The following M1AP variants were observed in gnomAD, a reference collection of about 807,000 sequenced individuals.
The protein encoded by M1AP is meiosis 1 associated protein, also known as meiosis 1 arrest protein.
M1AP carries 39 observed loss-of-function variants against 51.2 expected under a neutral mutation model. That is an observed-to-expected ratio of 0.76 (90% confidence interval 0.59 to 1.00). The LOEUF is 1.00. Ranked by LOEUF, M1AP falls within the 50% of genes least tolerant of loss-of-function variation. The pLI is 0.00. For synonymous variants in M1AP, 251 were observed against 249.2 expected (o/e 1.01, Z -0.07); for missense variants, 545 against 641.2 (o/e 0.85, Z 1.62).
intron 2 of M1AP, among the ~76,000 whole-genome samples, chr2:74,624,084 T>A (rs575862946): frequency 6.6e-6 from 1 of 152,352 alleles, no homozygotes; most frequent in South Asian, 2.1e-4. Context: ...TATAGAGTTG[T>A]CTTGAAATAG....
Position 74,560,189 on chromosome 2 carries a change from G to T in M1AP, c.1384C>A (p.Arg462=), listed in dbSNP as rs540346738. 6.2e-7 allele frequency: 1 copy of T among 1,613,926 alleles called. No homozygotes were observed. The highest frequency in any genetic ancestry group is 8.5e-7 in the Non-Finnish European group (1 of 1,179,974). The part of the protein sequence containing the change: ...LSSIYAKPQG[R]LHPHWESRAP... ...CGGCTCTCCCAGTGTGGGTGGAGCC[G>T]CCCCTGAGGCTTGGCATAGATGCTG... The change falls in exon 9 of 11, where the codon CGG becomes AGG. Residue 462 remains arginine (R), a synonymous_variant. Transcript: ENST00000421985.
At chr2:74,613,840 G>A (rs559845115) in intron 3 of M1AP, among the ~76,000 whole-genome samples, 1 of 152,234 alleles carries the variant, frequency 6.6e-6, no homozygotes, top group African/African-American at 2.4e-5. Flanking sequence ...TCACAAAAGT[G>A]TGGAGTGGTA....
intron 4 of M1AP, among the ~76,000 whole-genome samples, chr2:74,585,115 T>C (rs2104605179): frequency 6.6e-6 from 1 of 152,220 alleles, no homozygotes; most frequent in Non-Finnish European, 1.5e-5. Flanking sequence ...AATGCTAGGA[T>C]TGCAGGTGTG....
At chr2:74,576,189 CA>C (rs1250519158) in intron 6 of M1AP, among the ~76,000 whole-genome samples, 1 of 152,212 alleles carries the variant, frequency 6.6e-6, no homozygotes, top group Non-Finnish European at 1.5e-5. Flanking sequence ...AATGGATAAA[CA>C]CCTTTTTAAT....
intron 3 of M1AP, among the ~76,000 whole-genome samples, chr2:74,609,483 A>G (rs1681204929): frequency 6.6e-6 from 1 of 152,216 alleles, no homozygotes; most frequent in Non-Finnish European, 1.5e-5. Flanking sequence ...GGTTGATTCC[A>G]TATCTTGGCT....
chr2:74,636,500 C>T (rs1470927152), intron 2 of M1AP, among the ~76,000 whole-genome samples: 3 of 151,982 alleles, frequency 2.0e-5, no homozygotes, highest in Admixed American at 2.0e-4. Context: ...TTGTTTTCTG[C>T]TTGTTCCCTC....
chr2:74,567,342 T>C (rs1186175562), intron 7 of M1AP, among the ~76,000 whole-genome samples: 1 of 152,248 alleles, frequency 6.6e-6, no homozygotes, highest in Non-Finnish European at 1.5e-5. Flanking sequence ...CCTTTCCTGA[T>C]ATAAAATGTG....
At chr2:74,618,808 T>A (rs1323258604) in intron 2 of M1AP, 4 of 318,392 alleles carry the variant, frequency 1.3e-5, no homozygotes. Context: ...AGGTCCCTCG[T>A]GTGCTGAGCC....
intron 7 of M1AP, among the ~76,000 whole-genome samples, chr2:74,563,885 A>T (rs1558646193): frequency 6.6e-6 from 1 of 151,968 alleles, no homozygotes; most frequent in African/African-American, 2.4e-5. Context: ...AAATGAGGCA[A>T]TTTTTTTTGT....
In M1AP at chr2:74,641,297, C is replaced by G. The variant is rs149697331; in HGVS notation, c.-52-970G>C. On this transcript the variant is annotated intron_variant, in intron 1 of 10. Transcript: ENST00000421985. ...CCTCCAATACTCCTGCCTTCTTTCT[C>G]TACTGGCTACTTATACTTATCCCCA... Among the ~76,000 whole-genome samples the G allele has an allele frequency of 2.9e-3, 444 of 152,292 alleles. 5 individuals are homozygous for G. The highest frequency in any genetic ancestry group is 0.01 in the African/African-American group (425 of 41,554).
intron 2 of M1AP, among the ~76,000 whole-genome samples, chr2:74,626,488 G>A (rs1000605398): frequency 1.3e-5 from 2 of 151,972 alleles, no homozygotes; most frequent in African/African-American, 4.8e-5. Context: ...TGAACACCTG[G>A]CCTCAAGCAA....
At position 74,633,287 on chromosome 2, in the gene M1AP, A is replaced by G. The variant is rs1358923882; in HGVS notation, c.240+6749T>C. Among the ~76,000 whole-genome samples, 5 of 152,182 alleles carry G rather than the reference A, an allele frequency of 3.3e-5. No homozygotes were observed. In the East Asian group the frequency reaches 9.6e-4, roughly 29 times the overall value. ...TAGTCAGGCTTCTAAACCTTTTCTT[A>G]GGCCCATCTGTGCACTTCCTTGTAA... is the stretch of plus-strand genomic sequence containing the variant. On this transcript the variant is annotated intron_variant, in intron 2 of 10. Transcript: ENST00000421985.
At chr2:74,569,198 G>A (rs928374807) in intron 7 of M1AP, among the ~76,000 whole-genome samples, 2 of 152,174 alleles carry the variant, frequency 1.3e-5, no homozygotes, top group Admixed American at 6.5e-5. Flanking sequence ...AATGGAAATT[G>A]TAGAACTGCT....
intron 4 of M1AP, among the ~76,000 whole-genome samples, chr2:74,591,425 C>T (rs1700186588): frequency 1.3e-5 from 2 of 152,028 alleles, no homozygotes; most frequent in Admixed American, 6.6e-5. Context: ...TCTACAGGGA[C>T]TAATACATAT....
At position 74,560,246 on chromosome 2, in the gene M1AP, G is replaced by A. The variant is rs1677822435; in HGVS notation, c.1327C>T (p.His443Tyr). Residue 443 changes from histidine to tyrosine, a missense_variant, in exon 9 of 11, where the codon CAT becomes TAT. Coordinates refer to ENST00000421985, the MANE Select transcript of M1AP (RefSeq NM_001321739.2). ...LELEPTYNPL[H>Y]VQSHLYSHLS... ...TGTGAGTACAGGTGGCTTTGAACAT[G>A]CAAGGGGTTGTAGGTGGGCTCCAGC... 6.2e-7 allele frequency: 1 copy of A among 1,613,484 alleles called. No individual in the cohort carries two copies.
At chr2:74,575,359 C>A in intron 7 of M1AP, 79 bp downstream of exon 7, 1 of 1,588,718 alleles carries the variant, frequency 6.3e-7, no homozygotes. Flanking sequence ...TAGGATTGGG[C>A]AGAGTTAGTT....
intron 7 of M1AP, chr2:74,575,165 G>A (rs1232739432): frequency 2.6e-6 from 1 of 390,338 alleles, no homozygotes; most frequent in African/African-American, 2.2e-5. Context: ...AGGTACGTAC[G>A]GAAAATTCCC....
intron 1 of M1AP, 93 bp from the exon 2 acceptor site, chr2:74,640,420 G>T: frequency 9.1e-7 from 1 of 1,098,678 alleles, no homozygotes; most frequent in Non-Finnish European, 1.3e-6. Flanking sequence ...AACAAATCCA[G>T]AAAGGAGTCA....
At chr2:74,608,738 C>T (rs1003610904) in intron 3 of M1AP, among the ~76,000 whole-genome samples, 3 of 152,218 alleles carry the variant, frequency 2.0e-5, no homozygotes, top group African/African-American at 7.2e-5. Flanking sequence ...CACATCCTCA[C>T]CAGCATTTGG....
Sources: allele counts gnomAD v4.1 joint callset (sites outside exome capture counted in the v4.1 genomes callset), GRCh38; gene constraint gnomAD v4.1.1; transcripts MANE v1.5; gene names NCBI Gene and HGNC (gene_info 2026-07-23, HGNC 2026-07-21).